DLGAP1: variants seen among roughly 807,000 people sequenced by gnomAD.
DLGAP1 encodes the protein disks large-associated protein 1.
In DLGAP1, 11 loss-of-function variants were observed where a neutral mutation model predicts 90.8. That is an observed-to-expected ratio of 0.12 (90% CI 0.08 to 0.20). DLGAP1 has a LOEUF of 0.20. Ranked by LOEUF, DLGAP1 falls within the 10% of genes least tolerant of loss-of-function variation. DLGAP1 has a pLI of 1.00. For synonymous variants in DLGAP1, 558 were observed against 540.7 expected, an observed-to-expected ratio of 1.03 and a Z score of -0.44; for missense variants, 1,050 against 1,333.8, an observed-to-expected ratio of 0.79 and a Z score of 3.31.
intron 1 of DLGAP1, among the ~76,000 whole-genome samples, chr18:4,339,310 T>C (rs554316751): frequency 1.3e-5 from 2 of 152,120 alleles, no homozygotes; most frequent in Non-Finnish European, 2.9e-5. Flanking sequence ...TAACACACAC[T>C]GTTTTGTGTG....
chr18:3,610,678 C>CAAA (rs567516917), intron 7 of DLGAP1, among the ~76,000 whole-genome samples: 4 of 141,694 alleles, frequency 2.8e-5, no homozygotes, highest in African/African-American at 1.0e-4. Context: ...ACTAAAAATA[C>CAAA]AAAAAAAAAA....
chr18:4,074,699 T>C (rs2075498154), intron 2 of DLGAP1, among the ~76,000 whole-genome samples: 1 of 152,188 alleles, frequency 6.6e-6, no homozygotes, highest in Non-Finnish European at 1.5e-5. Context: ...TCTACGATCA[T>C]ACAGTTTAAC....
chr18:4,053,460 G>C (rs2075165847), intron 2 of DLGAP1, among the ~76,000 whole-genome samples: 1 of 152,196 alleles, frequency 6.6e-6, no homozygotes, highest in African/African-American at 2.4e-5. Flanking sequence ...CATGACATGT[G>C]AAGATTATGG....
intron 5 of DLGAP1, among the ~76,000 whole-genome samples, chr18:3,796,440 A>G (rs55853033): frequency 0.39 from 59,215 of 152,120 alleles, 11,958 homozygotes; most frequent in Non-Finnish European, 0.45. Flanking sequence ...AACTTTTACA[A>G]TTGTAAAAAC....
intron 3 of DLGAP1, among the ~76,000 whole-genome samples, chr18:3,940,712 C>T (rs191581965): frequency 2.0e-4 from 30 of 152,336 alleles, no homozygotes; most frequent in African/African-American, 7.2e-4. Context: ...CTTAAACAGA[C>T]AAATGAGTCC....
At chr18:4,201,037 T>G (rs1307135277) in intron 1 of DLGAP1, among the ~76,000 whole-genome samples, 2 of 152,194 alleles carry the variant, frequency 1.3e-5, no homozygotes, top group Non-Finnish European at 2.9e-5. Flanking sequence ...TTTGATTAGA[T>G]TCTAGATATT....
intron 7 of DLGAP1, among the ~76,000 whole-genome samples, chr18:3,642,703 A>C (rs1169542611): frequency 2.6e-5 from 4 of 152,238 alleles, no homozygotes. Context: ...TTTGCTTACT[A>C]TAATTATGAA....
At chr18:4,012,972 T>C (rs2074454256) in intron 2 of DLGAP1, among the ~76,000 whole-genome samples, 1 of 152,230 alleles carries the variant, frequency 6.6e-6, no homozygotes, top group African/African-American at 2.4e-5. Flanking sequence ...CCCAAAGTCC[T>C]GGGATTGCAG....
chr18:4,146,673 C>T (rs961835740), intron 2 of DLGAP1, among the ~76,000 whole-genome samples: 9 of 151,930 alleles, frequency 5.9e-5, no homozygotes, highest in Non-Finnish European at 8.8e-5. Flanking sequence ...CAAACCACAA[C>T]ATAAAATGAA....
chr18:3,815,142 C>A (rs1306580196), intron 4 of DLGAP1, among the ~76,000 whole-genome samples: 1 of 152,184 alleles, frequency 6.6e-6, no homozygotes, highest in African/African-American at 2.4e-5. Context: ...TTTCAATTGC[C>A]ATTTAAGATT....
At position 4,454,986 on chromosome 18, in the gene DLGAP1, G is replaced by C. The variant is rs910702706; in HGVS notation, c.-267+20C>G. 1.3e-5 allele frequency: 2 copies of C among 150,906 alleles called. No homozygotes were observed. The highest frequency in any genetic ancestry group is 2.4e-5 in the African/African-American group (1 of 41,242). 9.3% of individuals were successfully genotyped at this position (150,906 alleles called of 1,614,324 possible). A position where few individuals can be genotyped will look rare whatever the true frequency, so the allele number is the denominator to read the frequency against. On this transcript the variant is annotated intron_variant, in intron 1 of 12. Coordinates refer to ENST00000315677, the MANE Select transcript of DLGAP1 (RefSeq NM_004746.4). The surrounding 1 kb of genome is among the most constrained non-coding windows in gnomAD (Gnocchi z 4.7). ...CCGCCGCCGCGCACGCCCCAGCCCC[G>C]CGGCGCAGCCCGGCGTTACCTGGCC...
intron 5 of DLGAP1, among the ~76,000 whole-genome samples, chr18:3,787,267 A>T (rs1279870194): frequency 6.6e-6 from 1 of 151,926 alleles, no homozygotes; most frequent in Non-Finnish European, 1.5e-5. Context: ...GCGGATCACA[A>T]GATCAGGAGT....
chr18:4,226,721 A>G (rs1485340776), intron 1 of DLGAP1, among the ~76,000 whole-genome samples: 2 of 151,426 alleles, frequency 1.3e-5, no homozygotes, highest in African/African-American at 2.4e-5. Flanking sequence ...AAAAAAATAG[A>G]AAGCAATAAA....
chr18:3,647,548 C>T (rs2059163777), intron 7 of DLGAP1, among the ~76,000 whole-genome samples: 1 of 151,714 alleles, frequency 6.6e-6, no homozygotes, highest in Non-Finnish European at 1.5e-5. Context: ...TCACTGCAAC[C>T]TCCGCTTCTG....
intron 9 of DLGAP1, among the ~76,000 whole-genome samples, chr18:3,535,577 G>T (rs2144523581): frequency 6.6e-6 from 1 of 151,774 alleles, no homozygotes; most frequent in East Asian, 1.9e-4. Flanking sequence ...GCGTGGTGGT[G>T]GGCACCTGTG....
chr18:3,884,336 TACTA>T (rs1326042998), intron 3 of DLGAP1, among the ~76,000 whole-genome samples: 2 of 152,172 alleles, frequency 1.3e-5, no homozygotes, highest in Non-Finnish European at 2.9e-5. Context: ...TATAGACACA[TACTA>T]ACTTTTATGA....
intron 1 of DLGAP1, among the ~76,000 whole-genome samples, chr18:4,270,251 T>C (rs996716579): frequency 2.0e-5 from 3 of 152,152 alleles, no homozygotes; most frequent in Admixed American, 1.3e-4. Context: ...TTATTTCATT[T>C]TCCCCTCTTA....
intron 3 of DLGAP1, among the ~76,000 whole-genome samples, chr18:3,956,203 C>T (rs2073079565): frequency 6.6e-6 from 1 of 152,096 alleles, no homozygotes; most frequent in Non-Finnish European, 1.5e-5. Context: ...CATAGAGGAA[C>T]ACATTAAAAT....
Position 3,880,084 on chromosome 18 carries a change from G to A in DLGAP1, c.-16C>T, listed in dbSNP as rs199989332. The A allele has an allele frequency of 3.1e-6, 5 of 1,595,878 alleles. No homozygotes were observed. The highest frequency in any genetic ancestry group is 4.5e-5 in the East Asian group (2 of 44,848). ...GCCCTTTCATGGCGGACCGGAAGCA[G>A]CCGCCAGGGTCATGGACACCCGGAA... is the stretch of plus-strand genomic sequence containing the variant. On this transcript the variant is annotated 5_prime_UTR_variant, in exon 4 of 13. Coordinates refer to ENST00000315677, the MANE Select transcript of DLGAP1 (RefSeq NM_004746.4).
Sources: gnomAD v4.1 joint callset for allele counts (sites outside exome capture counted in the v4.1 genomes callset) on GRCh38, gnomAD v4.1.1 for gene constraint, Gnocchi (gnomAD v3.1) non-coding constraint, MANE v1.5 for transcripts, NCBI Gene and HGNC (gene_info 2026-07-23, HGNC 2026-07-21) for gene names.